The following SMG6 variants were observed in gnomAD, a reference collection of about 807,000 sequenced individuals.
The protein encoded by SMG6 is telomerase-binding protein EST1A.
A neutral mutation model predicts 142.2 loss-of-function variants in SMG6; 66 were observed. That is an observed-to-expected ratio of 0.46 (90% CI 0.38 to 0.57). SMG6 has a LOEUF of 0.57. Ranked by LOEUF, SMG6 falls within the 20% of genes least tolerant of loss-of-function variation. The probability of loss-of-function intolerance (pLI) is 0.00; values close to 1 mark genes in which losing one functional copy is unlikely to be tolerated. For missense variants in SMG6, 1,793 were observed against 1,832.0 expected, an observed-to-expected ratio of 0.98 and a Z score of 0.39; for synonymous variants, 779 against 702.4, an observed-to-expected ratio of 1.11 and a Z score of -1.72.
At chr17:2,182,839 C>G (rs2071848177) in intron 12 of SMG6, among the ~76,000 whole-genome samples, 1 of 149,452 alleles carries the variant, frequency 6.7e-6, no homozygotes, top group Non-Finnish European at 1.5e-5. Context: ...AGCCGAAGAC[C>G]ACACTGAGAG....
In SMG6 at chr17:2,300,017, GGGAGTAGCGCTTTGC is replaced by G; in HGVS notation, c.721_735del (p.Ala241_Ser245del). 1.2e-6 allele frequency: 2 copies of G among 1,614,152 alleles called. No individual in the cohort carries two copies. Among genetic ancestry groups the G allele is most frequent in the Non-Finnish European group, 8.5e-7 (1 of 1,180,032 alleles). On this transcript the variant is annotated inframe_deletion, in exon 2 of 19. Transcript: ENST00000263073. ...TAGCGATTCCTTCGTTTGTCTGAGC[GGGAGTAGCGCTTTGC>G]GGAGCCCGGCCTCCCGCGGGCTGGG...
At chr17:2,187,902 T>C (rs1443281600) in intron 11 of SMG6, among the ~76,000 whole-genome samples, 1 of 152,098 alleles carries the variant, frequency 6.6e-6, no homozygotes, top group South Asian at 2.1e-4. Context: ...CAATCTGGCT[T>C]AGACTTCTAA....
At chr17:2,233,311 C>T (rs1224632624) in intron 10 of SMG6, 4 of 152,296 alleles carry the variant, frequency 2.6e-5, no homozygotes, top group Non-Finnish European at 5.9e-5. Flanking sequence ...ATGCAGCCAC[C>T]CACCCAGAAG....
chr17:2,231,299 C>A (rs2073485635), intron 10 of SMG6, among the ~76,000 whole-genome samples: 1 of 152,138 alleles, frequency 6.6e-6, no homozygotes, highest in African/African-American at 2.4e-5. Context: ...AGCTATCAGT[C>A]CTATACAGAC....
chr17:2,287,189 G>A (rs998108170), intron 6 of SMG6, among the ~76,000 whole-genome samples: 1 of 152,144 alleles, frequency 6.6e-6, no homozygotes, highest in African/African-American at 2.4e-5. Context: ...AAAGTGCTGG[G>A]ATTACAGGCG....
intron 10 of SMG6, among the ~76,000 whole-genome samples, chr17:2,197,512 C>T (rs1400358018): frequency 6.6e-6 from 1 of 151,986 alleles, no homozygotes; most frequent in Non-Finnish European, 1.5e-5. Context: ...GCTGCAGTGA[C>T]CCGTGACAGT....
chr17:2,264,396 A>C (rs216175), intron 8 of SMG6, among the ~76,000 whole-genome samples: 19,351 of 152,188 alleles, frequency 0.13, 1,608 homozygotes, highest in South Asian at 0.28. Flanking sequence ...CTACATCTTT[A>C]CATTGGCTTT....
chr17:2,281,339 G>A (rs532841739), intron 8 of SMG6, among the ~76,000 whole-genome samples: 4 of 152,194 alleles, frequency 2.6e-5, no homozygotes, highest in Non-Finnish European at 4.4e-5. Flanking sequence ...TTGTTGACCA[G>A]GCTGGTACTG....
At chr17:2,095,630 G>C (rs958539463) in intron 13 of SMG6, among the ~76,000 whole-genome samples, 3 of 152,230 alleles carry the variant, frequency 2.0e-5, no homozygotes, top group Admixed American at 6.5e-5. Context: ...CATCAAGAGA[G>C]CACGCGCCCC....
chr17:2,110,081 C>CAA (rs57135671), intron 13 of SMG6, among the ~76,000 whole-genome samples: 1,653 of 86,644 alleles, frequency 0.019, 45 homozygotes, highest in African/African-American at 0.043. Context: ...GATTCCATCT[C>CAA]AAAAAAAAAA....
intron 8 of SMG6, among the ~76,000 whole-genome samples, chr17:2,279,620 T>C (rs1384730907): frequency 6.6e-6 from 1 of 152,000 alleles, no homozygotes; most frequent in Non-Finnish European, 1.5e-5. Context: ...ATGGCAGCAA[T>C]GAGAAAGGAG....
At chr17:2,166,280 C>T (rs1403390062) in intron 13 of SMG6, among the ~76,000 whole-genome samples, 1 of 152,056 alleles carries the variant, frequency 6.6e-6, no homozygotes, top group Non-Finnish European at 1.5e-5. Flanking sequence ...TCTACCTAAT[C>T]TGTTCAAAGA....
At position 2,089,005 on chromosome 17, in the gene SMG6, G is replaced by A. The variant is rs189914707; in HGVS notation, c.3358-3104C>T. On this transcript the variant is annotated intron_variant, in intron 13 of 18. Transcript: ENST00000263073. The stretch of plus-strand genomic sequence containing the variant: ...GTTAATAAGAGACTTCATAATGAAA[G>A]AAGCCTTTCAAACCACTGACAAAAA... Among the ~76,000 whole-genome samples, 31 of 152,284 alleles carry A rather than the reference G, an allele frequency of 2.0e-4. No homozygotes were observed. In the East Asian group the frequency reaches 2.5e-3, roughly 12 times the overall value.
Position 2,080,365 on chromosome 17 carries a change from C to T in SMG6, c.3681+1445G>A, listed in dbSNP as rs559102132. ...CCCGGGAGGTGGAGGTTGGAGTGAG[C>T]TGAGATCATGCCACTGGACTCCAGC... On this transcript the variant is annotated intron_variant, in intron 15 of 18. Coordinates refer to ENST00000263073, the MANE Select transcript of SMG6 (RefSeq NM_017575.5). 2.8e-3 allele frequency among the ~76,000 whole-genome samples: 426 copies of T among 152,270 alleles called. 5 individuals are homozygous for T. The highest frequency in any genetic ancestry group is 9.0e-4 in the Non-Finnish European group (61 of 68,022).
chr17:2,263,934 T>C (rs1222171541), intron 8 of SMG6, among the ~76,000 whole-genome samples: 1 of 152,138 alleles, frequency 6.6e-6, no homozygotes, highest in African/African-American at 2.4e-5. Flanking sequence ...GATCAAACTA[T>C]GGATACAGCT....
chr17:2,137,772 G>A (rs984164100), intron 13 of SMG6, among the ~76,000 whole-genome samples: 5 of 152,164 alleles, frequency 3.3e-5, no homozygotes, highest in African/African-American at 1.2e-4. Flanking sequence ...ACCTTGATTG[G>A]TTTTGGCACA....
chr17:2,288,972 G>A (rs974012751), intron 6 of SMG6, among the ~76,000 whole-genome samples: 14 of 151,298 alleles, frequency 9.3e-5, no homozygotes, highest in African/African-American at 3.2e-4. Flanking sequence ...CCAGCTACTC[G>A]GGAGGCTGAG....
intron 8 of SMG6, among the ~76,000 whole-genome samples, chr17:2,270,500 C>T (rs1350131537): frequency 2.0e-5 from 3 of 152,040 alleles, no homozygotes; most frequent in Non-Finnish European, 2.9e-5. Flanking sequence ...CCCAGCTACT[C>T]AGGAGGCTGA....
At chr17:2,252,058 C>G (rs1192766582) in intron 8 of SMG6, among the ~76,000 whole-genome samples, 2 of 150,894 alleles carry the variant, frequency 1.3e-5, no homozygotes, top group Non-Finnish European at 2.9e-5. Flanking sequence ...CAAGATCGCA[C>G]CACTGCACTC....
Sources: gnomAD v4.1 joint callset for allele counts (sites outside exome capture counted in the v4.1 genomes callset) on GRCh38, gnomAD v4.1.1 for gene constraint, MANE v1.5 for transcripts, NCBI Gene and HGNC (gene_info 2026-07-23, HGNC 2026-07-21) for gene names.